Variants in ACE observed in about 807,000 individuals in gnomAD.
ACE encodes the protein angiotensin-converting enzyme.
In ACE, 122 loss-of-function variants were observed where a neutral mutation model predicts 162.3. The observed-to-expected ratio is 0.75, with a 90% CI of 0.65 to 0.87. The LOEUF (loss-of-function observed/expected upper bound fraction) is 0.87, where lower values mean the gene tolerates loss of function less well. ACE is among the 40% of genes least tolerant of loss of function. The pLI is 0.00. For synonymous variants in ACE, 796 were observed against 720.6 expected (o/e 1.10, Z -1.68); for missense variants, 1,799 against 1,735.1 (o/e 1.04, Z -0.65).
chr17:63,485,828 C>G (rs2029902336), intron 13 of ACE: 1 of 229,060 alleles, frequency 4.4e-6, no homozygotes, highest in Admixed American at 5.3e-5. Flanking sequence ...TTACTCAATG[C>G]CTGAGCAATT....
chr17:63,485,721 G>C, intron 13 of ACE: 1 of 350,086 alleles, frequency 2.9e-6, no homozygotes, highest in Non-Finnish European at 5.5e-6. Context: ...CTTGCAGTGA[G>C]CCGAGATGGC....
chr17:63,492,618 T>G (rs1378848584), intron 19 of ACE, among the ~76,000 whole-genome samples: 1 of 152,226 alleles, frequency 6.6e-6, no homozygotes, highest in Non-Finnish European at 1.5e-5. Flanking sequence ...TGGGCAGCTC[T>G]TCCTTCCCCC....
In ACE at chr17:63,484,354, C is replaced by T. The variant is rs367659273; in HGVS notation, c.1734C>T (p.Ser578=). ...KLRKVLQAGS[S]RPWQEVLKDM... ...GGAAGGTGCTGCAGGCTGGCTCCTC[C>T]AGGCCCTGGCAGGAGGTGCTGAAGG... The change falls in exon 12 of 25, where the codon TCC becomes TCT. Residue 578 remains serine, a synonymous_variant. Coordinates refer to ENST00000290866, the MANE Select transcript of ACE (RefSeq NM_000789.4). This position sits in a 1 kb window ranked among gnomAD's most constrained non-coding sequence, Gnocchi z 4.0. The T allele has an allele frequency of 7.8e-5, 125 of 1,610,994 alleles. No homozygotes were observed. The highest frequency in any genetic ancestry group is 1.1e-4 in the Non-Finnish European group (125 of 1,179,832).
chr17:63,484,798 AG>A lies in ACE; in HGVS notation c.1921+259del. The A allele has an allele frequency of 6.7e-7, 1 of 1,496,142 alleles. No individual in the cohort carries two copies. 92.7% of individuals were successfully genotyped at this position (1,496,142 alleles called of 1,614,324 possible). ...AGGAAGCCAGACACAAGGCTCTGTG[AG>A]GTCACACTGCGGGCTCCGCTCTTAT... On this transcript the variant is annotated intron_variant, in intron 12 of 24. Coordinates refer to ENST00000290866, the MANE Select transcript of ACE (RefSeq NM_000789.4). The surrounding 1 kb of genome is among the most constrained non-coding windows in gnomAD (Gnocchi z 4.0).
At position 63,488,713 on chromosome 17, in the gene ACE, C is replaced by T. The variant is rs397514689; in HGVS notation, c.2371C>T (p.Arg791Ter). The stretch of plus-strand genomic sequence containing the variant: ...CCTGTTATGGGCATGGGAGGGCTGG[C>T]GAGACAAGGCGGGGAGAGCCATCCT... ...EDLLWAWEGWRDKAGRAILQF... is the reference protein window; with the variant it reads ...EDLLWAWEGW Residue 791 changes from arginine (R) to a stop codon, truncating the protein, a stop_gained, in exon 16 of 25, where the codon CGA becomes TGA. Transcript: ENST00000290866. LOFTEE classifies it high-confidence loss of function. 14 of 1,613,580 alleles carry T rather than the reference C, an allele frequency of 8.7e-6. No homozygotes were observed. Among genetic ancestry groups the T allele is most frequent in the East Asian group, 2.2e-5 (1 of 44,782 alleles).
Position 63,491,216 on chromosome 17 carries a change from C to T in ACE, c.2747C>T (p.Thr916Met), listed in dbSNP as rs3730043. The T allele has an allele frequency of 6.6e-3, 10,573 of 1,614,018 alleles. 55 individuals carry two copies. The highest frequency in any genetic ancestry group is 8.1e-3 in the Non-Finnish European group (9,585 of 1,180,024). Reference sequence around the variant, plus strand: ...AACTCCCTCTGCTTGCAGGGCTGGACGCCCAGGAGGATGTTTAAGGAGGCT... The same window carrying T: ...AACTCCCTCTGCTTGCAGGGCTGGATGCCCAGGAGGATGTTTAAGGAGGCT... ...TTEAMLKQGW[T>M]PRRMFKEADD... Residue 916 changes from threonine (T) to methionine (M), a missense_variant, in exon 19 of 25, where the codon ACG becomes ATG. By Grantham distance (81) the Thr-to-Met change is moderately conservative (BLOSUM62 -1). Transcript: ENST00000290866. The surrounding 1 kb of genome is among the most constrained non-coding windows in gnomAD (Gnocchi z 4.4).
At chr17:63,485,730 G>T (rs1043371871) in intron 13 of ACE, 1 of 331,614 alleles carries the variant, frequency 3.0e-6, no homozygotes, top group Non-Finnish European at 5.8e-6. Context: ...AGCCGAGATG[G>T]CACCACTGCA....
Position 63,493,606 on chromosome 17 carries a change from C to G in ACE, c.3083C>G (p.Thr1028Arg). ...IGDVLALSVS[T>R]PKHLHSLNLL... Reference sequence around the variant, plus strand: ...GACGTGCTAGCCCTCTCAGTGTCTACGCCCAAGCACCTGCACAGTCTCAAC... The same window carrying G: ...GACGTGCTAGCCCTCTCAGTGTCTAGGCCCAAGCACCTGCACAGTCTCAAC... Residue 1028 changes from threonine (T) to arginine (R), a missense_variant, in exon 20 of 25, where the codon ACG becomes AGG. By Grantham distance (71) the Thr-to-Arg change is moderately conservative. Transcript: ENST00000290866. The G allele has an allele frequency of 6.2e-7, 1 of 1,614,102 alleles. No individual in the cohort carries two copies. Among genetic ancestry groups the G allele is most frequent in the South Asian group, 1.1e-5 (1 of 91,076 alleles).
intron 4 of ACE, among the ~76,000 whole-genome samples, 190 bp downstream of exon 4, chr17:63,480,102 G>C (rs1040417289): frequency 2.6e-5 from 4 of 152,182 alleles, no homozygotes; most frequent in Admixed American, 2.0e-4. Flanking sequence ...CCTGCCCCAC[G>C]TGGCCATCCT....
At chr17:63,480,966 C>A in intron 5 of ACE, 125 bp from the exon 6 acceptor site, 1 of 900,220 alleles carries the variant, frequency 1.1e-6, no homozygotes. Flanking sequence ...TGGCCCTAAG[C>A]CAGGCCTGCA....
At position 63,491,976 on chromosome 17, in the gene ACE, G is replaced by A. The variant is rs1309342836; in HGVS notation, c.2912+595G>A. ...TCTGTTGGGGGCAGCTCTCACAGCC[G>A]GGATGGCTCAATGGGGGCCATACGT... On this transcript the variant is annotated intron_variant, in intron 19 of 24. Coordinates refer to ENST00000290866, the MANE Select transcript of ACE (RefSeq NM_000789.4). The surrounding 1 kb of genome is among the most constrained non-coding windows in gnomAD (Gnocchi z 4.4). Among the ~76,000 whole-genome samples the A allele has an allele frequency of 3.9e-5, 6 of 152,212 alleles. No individual in the cohort carries two copies. Among genetic ancestry groups the A allele is most frequent in the Admixed American group, 2.0e-4 (3 of 15,292 alleles).
In ACE at chr17:63,484,399, C is replaced by T; in HGVS notation, c.1779C>T (p.Ala593=). The T allele has an allele frequency of 1.2e-6, 2 of 1,612,112 alleles. No homozygotes were observed. The highest frequency in any genetic ancestry group is 1.7e-6 in the Non-Finnish European group (2 of 1,179,886). ...TGAAGGACATGGTCGGCTTAGATGC[C>T]CTGGATGCCCAGCCGCTGCTCAAGT... ...EVLKDMVGLD[A]LDAQPLLKYF... The change falls in exon 12 of 25, where the codon GCC becomes GCT. Residue 593 remains alanine (A), a synonymous_variant. Coordinates refer to ENST00000290866, the MANE Select transcript of ACE (RefSeq NM_000789.4). This position sits in a 1 kb window ranked among gnomAD's most constrained non-coding sequence, Gnocchi z 4.0.
chr17:63,490,753 G>A (rs2030315514), intron 17 of ACE: 1 of 616,148 alleles, frequency 1.6e-6, no homozygotes, highest in Non-Finnish European at 3.0e-6. Context: ...CCCCCACCTA[G>A]AGCCAGGCAG....
intron 13 of ACE, chr17:63,486,210 C>T (rs1021771770): frequency 2.7e-5 from 10 of 369,330 alleles, no homozygotes; most frequent in African/African-American, 2.1e-4. Flanking sequence ...TGAGCTTATT[C>T]CCATTTTACA....
At chr17:63,481,234 G>GGGCGGCC in intron 6 of ACE, 46 bp downstream of exon 6, 1 of 624,022 alleles carries the variant, frequency 1.6e-6, no homozygotes, top group Non-Finnish European at 3.0e-6. Flanking sequence ...CGGGGGTGGG[G>GGGCGGCC]CGCAAAAAAA....
rs750919206 is a variant in ACE at position 63,484,545 on chromosome 17, A to G, written c.1921+4A>G. ...GACAACTACCCGGAGGGCATAGGTA[A>G]AGCCCTGAGTGAGGATGGTGTGGGG... is the stretch of plus-strand genomic sequence containing the variant. On this transcript the variant is annotated splice_donor_region_variant and intron_variant, in intron 12 of 24. Coordinates refer to ENST00000290866, the MANE Select transcript of ACE (RefSeq NM_000789.4). This position sits in a 1 kb window ranked among gnomAD's most constrained non-coding sequence, Gnocchi z 4.0. The G allele has an allele frequency of 9.2e-5, 148 of 1,609,342 alleles. No homozygotes were observed. The highest frequency in any genetic ancestry group is 1.2e-4 in the Non-Finnish European group (145 of 1,178,692).
At chr17:63,485,421 G>T in intron 13 of ACE, 49 bp downstream of exon 13, 1 of 1,609,660 alleles carries the variant, frequency 6.2e-7, no homozygotes, top group South Asian at 1.1e-5. Context: ...CATACACACA[G>T]AGATGCTGTC....
At chr17:63,478,154 G>A in intron 2 of ACE, 56 bp downstream of exon 2, 1 of 1,545,246 alleles carries the variant, frequency 6.5e-7, no homozygotes, top group Non-Finnish European at 8.7e-7. Context: ...CCCATCGTGG[G>A]GGTCGGGGGA....
At chr17:63,487,426 C>A (rs572528376) in intron 15 of ACE, among the ~76,000 whole-genome samples, 2 of 152,144 alleles carry the variant, frequency 1.3e-5, no homozygotes, top group African/African-American at 2.4e-5. Context: ...TAGCTCCCCC[C>A]GGCCTCCTTT....
Sources: gnomAD v4.1 joint callset for allele counts (sites outside exome capture counted in the v4.1 genomes callset) on GRCh38, gnomAD v4.1.1 for gene constraint, Gnocchi (gnomAD v3.1) non-coding constraint, MANE v1.5 for transcripts, NCBI Gene and HGNC (gene_info 2026-07-23, HGNC 2026-07-21) for gene names.